The following ADRA1A variants were observed in gnomAD, a reference collection of about 807,000 sequenced individuals.
ADRA1A encodes the protein adrenoceptor alpha 1A.
ADRA1A carries 31 observed loss-of-function variants against 29.6 expected under a neutral mutation model. The ratio of observed to expected loss-of-function variants is 1.05; its 90% CI spans 0.79 to 1.41. The LOEUF (loss-of-function observed/expected upper bound fraction) is 1.41. ADRA1A is among the 40% of genes most tolerant of loss of function. The probability of loss-of-function intolerance (pLI) is 0.00; values close to 1 mark genes in which losing one functional copy is unlikely to be tolerated. For missense variants in ADRA1A, 619 were observed against 601.1 expected, an observed-to-expected ratio of 1.03 and a Z score of -0.31; for synonymous variants, 311 against 254.3, an observed-to-expected ratio of 1.22 and a Z score of -2.12.
intron 2 of ADRA1A, among the ~76,000 whole-genome samples, chr8:26,851,753 TA>T (rs1812648916): frequency 1.3e-5 from 2 of 152,094 alleles, no homozygotes; most frequent in Non-Finnish European, 1.5e-5. Flanking sequence ...TAAACATATA[TA>T]AAGCAAAACT....
downstream of ADRA1A, among the ~76,000 whole-genome samples, chr8:26,763,740 C>T (rs922161393): frequency 6.6e-6 from 1 of 152,092 alleles, no homozygotes; most frequent in Non-Finnish European, 1.5e-5. The surrounding 1 kb of genome is among the most constrained non-coding windows in gnomAD (Gnocchi z 4.5). Flanking sequence ...GGCCCATGAG[C>T]TCACTCCGGC....
At chr8:26,839,157 ATTT>A (rs11352512) in intron 2 of ADRA1A, among the ~76,000 whole-genome samples, 71 of 119,904 alleles carry the variant, frequency 5.9e-4, no homozygotes, top group African/African-American at 1.3e-3. Context: ...TCTGTGAAGA[ATTT>A]TTTTTTTTTT....
chr8:26,858,989 A>G, intron 2 of ADRA1A: 2 of 1,146,798 alleles, frequency 1.7e-6, no homozygotes, highest in Non-Finnish European at 1.1e-6. Context: ...GAGACTTCTC[A>G]CAATATACAG....
At chr8:26,835,484 G>A (rs1698361466) in intron 2 of ADRA1A, among the ~76,000 whole-genome samples, 1 of 152,308 alleles carries the variant, frequency 6.6e-6, no homozygotes, top group Non-Finnish European at 1.5e-5. Context: ...GAAAGGGGAA[G>A]CAAACACATC....
chr8:26,800,962 G>T (rs1270861324), intron 2 of ADRA1A, among the ~76,000 whole-genome samples: 1 of 152,074 alleles, frequency 6.6e-6, no homozygotes, highest in Non-Finnish European at 1.5e-5. Context: ...GGGATGCAAG[G>T]ATGGTTCAAC....
intron 2 of ADRA1A, among the ~76,000 whole-genome samples, chr8:26,812,662 C>A (rs950792357): frequency 3.4e-5 from 5 of 148,708 alleles, no homozygotes; most frequent in Admixed American, 6.7e-5. Flanking sequence ...TATTTATTTT[C>A]TTTATTATTA....
rs34977481 is a variant in ADRA1A, at chr8:26,825,301, C to T, written c.883+38786G>A. On this transcript the variant is annotated intron_variant, in intron 2 of 2. Coordinates refer to ENST00000380573, the MANE Select transcript of ADRA1A (RefSeq NM_000680.4). The surrounding 1 kb of genome is among the most constrained non-coding windows in gnomAD (Gnocchi z 5.7). ...CTTCTTTCTGATTGTAGCTCAGCTC[C>T]TTTTCTTTTCTTCTCTCTTCTTCCT... is the stretch of plus-strand genomic sequence containing the variant. Among the ~76,000 whole-genome samples, 162 of 149,374 alleles carry T rather than the reference C, an allele frequency of 1.1e-3. No individual in the cohort carries two copies. The highest frequency in any genetic ancestry group is 1.9e-3 in the Non-Finnish European group (125 of 67,230).
In ADRA1A at chr8:26,812,814, G is replaced by A. The variant is rs571227764; in HGVS notation, c.884-42148C>T. Among the ~76,000 whole-genome samples the A allele has an allele frequency of 7.3e-5, 11 of 151,604 alleles. No individual in the cohort carries two copies. The East Asian group carries it at 7.8e-4, about 11-fold the overall frequency. On this transcript the variant is annotated intron_variant, in intron 2 of 2. Transcript: ENST00000380573. Reference sequence around the variant, plus strand: ...CGAGTAGCTGGGATTACAGGCGCCCGCCACCACGCCAGGCTAATTTTTCTG... The same window carrying A: ...CGAGTAGCTGGGATTACAGGCGCCCACCACCACGCCAGGCTAATTTTTCTG...
chr8:26,794,077 G>A (rs1342599060), intron 2 of ADRA1A, among the ~76,000 whole-genome samples: 1 of 151,982 alleles, frequency 6.6e-6, no homozygotes, highest in Non-Finnish European at 1.5e-5. Flanking sequence ...ATATCTACCA[G>A]TCTATTAAGT....
At chr8:26,852,872 A>T (rs1048447951) in intron 2 of ADRA1A, among the ~76,000 whole-genome samples, 1 of 152,310 alleles carries the variant, frequency 6.6e-6, no homozygotes, top group South Asian at 2.1e-4. Flanking sequence ...AACGTAAAAC[A>T]ATAGACTCAT....
At chr8:26,834,167 C>T (rs1811185840) in intron 2 of ADRA1A, among the ~76,000 whole-genome samples, 1 of 152,072 alleles carries the variant, frequency 6.6e-6, no homozygotes, top group Admixed American at 6.5e-5. Context: ...CTATAAAATA[C>T]CAAGGGATAC....
intron 2 of ADRA1A, among the ~76,000 whole-genome samples, chr8:26,803,073 C>T (rs927834796): frequency 3.3e-5 from 5 of 151,900 alleles, no homozygotes; most frequent in Non-Finnish European, 1.5e-5. Flanking sequence ...TTAGCAGTGA[C>T]TGGGAAGCGT....
chr8:26,800,584 C>G (rs571020585), intron 2 of ADRA1A, among the ~76,000 whole-genome samples: 1 of 152,018 alleles, frequency 6.6e-6, no homozygotes, highest in East Asian at 1.9e-4. Context: ...AGACCAATAA[C>G]AAGTAATAAT....
chr8:26,777,563 T>C (rs1806639932), intron 2 of ADRA1A, among the ~76,000 whole-genome samples: 1 of 152,236 alleles, frequency 6.6e-6, no homozygotes, highest in African/African-American at 2.4e-5. Context: ...TTTTTTCCCC[T>C]ATTTAACTGG....
At position 26,796,754 on chromosome 8, in the gene ADRA1A, C is replaced by A. The variant is rs1439140061; in HGVS notation, c.884-26088G>T. On this transcript the variant is annotated intron_variant, in intron 2 of 2. Transcript: ENST00000380573. The surrounding 1 kb of genome is among the most constrained non-coding windows in gnomAD (Gnocchi z 5.0). The stretch of plus-strand genomic sequence containing the variant: ...AAGGGGGGTACAAGATGAAGGGACA[C>A]CCCTGAAATCGGGCACAGGCACATA... Among the ~76,000 whole-genome samples, 2 of 152,080 alleles carry A rather than the reference C, an allele frequency of 1.3e-5. No individual in the cohort carries two copies. Among genetic ancestry groups the A allele is most frequent in the African/African-American group, 4.8e-5 (2 of 41,392 alleles).
intron 2 of ADRA1A, among the ~76,000 whole-genome samples, chr8:26,847,786 T>C (rs1339436178): frequency 6.6e-6 from 1 of 152,196 alleles, no homozygotes; most frequent in Non-Finnish European, 1.5e-5. Context: ...TACCATTTAA[T>C]GAGTCTGGGA....
intron 2 of ADRA1A, among the ~76,000 whole-genome samples, chr8:26,829,503 A>G (rs1470533213): frequency 6.6e-6 from 1 of 152,210 alleles, no homozygotes; most frequent in Non-Finnish European, 1.5e-5. Flanking sequence ...GGTACTTAAA[A>G]TTAGATTATA....
intron 2 of ADRA1A, among the ~76,000 whole-genome samples, chr8:26,826,363 C>A (rs1311674286): frequency 3.3e-5 from 5 of 152,186 alleles, no homozygotes; most frequent in Non-Finnish European, 7.4e-5. Context: ...GACCTGCATC[C>A]AGAGGGCAAT....
At position 26,770,427 on chromosome 8, in the gene ADRA1A, C is replaced by T; in HGVS notation, c.1123G>A (p.Val375Met). Residue 375 changes from valine (V) to methionine (M), a missense_variant, in exon 3 of 3, where the codon GTG (valine) becomes ATG (methionine). Transcript: ENST00000380573. ...TCTCTTGATCCCACGGGGATGCGCA[C>T]CATGTCCTTGTGTTGCCCTTCCACG... ...QAVEGQHKDM[V>M]RIPVGSRETF... 1 of 1,614,210 alleles carries T rather than the reference C, an allele frequency of 6.2e-7. No homozygotes were observed. The highest frequency in any genetic ancestry group is 2.2e-5 in the East Asian group (1 of 44,878).
Sources: allele counts gnomAD v4.1 joint callset (sites outside exome capture counted in the v4.1 genomes callset), GRCh38; gene constraint gnomAD v4.1.1; non-coding constraint Gnocchi (gnomAD v3.1); transcripts MANE v1.5; gene names NCBI Gene and HGNC (gene_info 2026-07-23, HGNC 2026-07-21).